Variants in PPIP5K2 observed in about 807,000 individuals in gnomAD.
The protein encoded by PPIP5K2 is inositol hexakisphosphate and diphosphoinositol-pentakisphosphate kinase 2.
Under a neutral mutation model 154.6 loss-of-function variants are expected in PPIP5K2, and 105 were observed. The ratio of observed to expected loss-of-function variants is 0.68; its 90% CI spans 0.58 to 0.80. The LOEUF is 0.80. PPIP5K2 is among the 30% of genes least tolerant of loss of function. PPIP5K2 has a pLI of 0.00. For synonymous variants in PPIP5K2, 480 were observed against 490.3 expected (o/e 0.98, Z 0.28); for missense variants, 992 against 1,504.6 (o/e 0.66, Z 5.64).
intron 1 of PPIP5K2, among the ~76,000 whole-genome samples, chr5:103,127,232 GTA>G (rs1316772614): frequency 1.3e-5 from 2 of 152,322 alleles, no homozygotes; most frequent in South Asian, 4.1e-4. Context: ...ATTCATGTAT[GTA>G]TACATATAAG....
At chr5:103,189,121 G>A in intron 28 of PPIP5K2, 1 of 1,399,558 alleles carries the variant, frequency 7.1e-7, no homozygotes, top group Non-Finnish European at 9.7e-7. Context: ...GGTGAAACAA[G>A]TATCTTCTGA....
rs566328311 is a variant in PPIP5K2, at chr5:103,161,645, T to C, written c.1920+2317T>C. Among the ~76,000 whole-genome samples, 6 of 152,238 alleles carry C rather than the reference T, an allele frequency of 3.9e-5. No individual in the cohort carries two copies. The South Asian group carries it at 8.3e-4, about 21-fold the overall frequency. On this transcript the variant is annotated intron_variant, in intron 17 of 30. Transcript: ENST00000358359. ...TGTTGTTTCCTGACTTTTTAATGAT[T>C]GCCATTCTAACTGGTGTGAGATGGT...
chr5:103,207,187 A>G lies in PPIP5K2; in HGVS notation c.*5553A>G, dbSNP rs1803565199. 1 of 152,260 alleles carries G rather than the reference A, an allele frequency of 6.6e-6. No homozygotes were observed. 9.4% of individuals were successfully genotyped at this position (152,260 alleles called of 1,614,324 possible). Reference sequence around the variant, plus strand: ...CTTTCCCCTACAAAGCCTGTCAGGCAAAGCCTTTGTAATTGCTTATGGTCA... The same window carrying G: ...CTTTCCCCTACAAAGCCTGTCAGGCGAAGCCTTTGTAATTGCTTATGGTCA... On this transcript the variant is annotated 3_prime_UTR_variant, in exon 31 of 31. Coordinates refer to ENST00000358359, the MANE Select transcript of PPIP5K2 (RefSeq NM_001276277.3).
At chr5:103,163,086 GT>G (rs35922283) in intron 17 of PPIP5K2, among the ~76,000 whole-genome samples, 4,994 of 59,926 alleles carry the variant, frequency 0.083, 60 homozygotes, top group African/African-American at 0.18. Flanking sequence ...TTCTTCAAGT[GT>G]TTTTTTTTTT....
intron 1 of PPIP5K2, among the ~76,000 whole-genome samples, chr5:103,128,601 C>T (rs1424273296): frequency 1.8e-4 from 27 of 151,936 alleles, no homozygotes; most frequent in African/African-American, 4.6e-4. Context: ...TACTCATGGA[C>T]GCCTGGTTAT....
chr5:103,151,518 C>A, intron 9 of PPIP5K2, 144 bp downstream of exon 9: 1 of 639,340 alleles, frequency 1.6e-6, no homozygotes, highest in Non-Finnish European at 2.6e-6. Context: ...GAGACTATGC[C>A]AGATCCTGAA....
rs1554198491 is a variant in PPIP5K2 at position 103,120,369 on chromosome 5, T to C, written c.-404T>C. On this transcript the variant is annotated 5_prime_UTR_variant, in exon 1 of 31. Coordinates refer to ENST00000358359, the MANE Select transcript of PPIP5K2 (RefSeq NM_001276277.3). The stretch of plus-strand genomic sequence containing the variant: ...GAAGGAAGTAGCCTACGTCCACGCC[T>C]ACAACTGAAGTCTCTTGACAAACAC... 1 of 456,288 alleles carries C rather than the reference T, an allele frequency of 2.2e-6. No individual in the cohort carries two copies. The allele number at this position is 456,288 out of a possible 1,614,324, so 28.3% of individuals were successfully genotyped here.
rs537744812 is a variant in PPIP5K2 at position 103,184,738 on chromosome 5, A to G, written c.3163A>G (p.Thr1055Ala). Reference protein sequence around the residue: ...RTLVEQKQNPTVGSHCAGLFS... With the variant: ...RTLVEQKQNPAVGSHCAGLFS... ...TCTTGTGGAACAGAAGCAGAATCCTACTGTAGGTATGTGGTGTAAAGGAAA... is the reference window on the plus strand; with the variant it reads ...TCTTGTGGAACAGAAGCAGAATCCTGCTGTAGGTATGTGGTGTAAAGGAAA... The change falls in exon 26 of 31, where the codon ACT (threonine) becomes GCT (alanine). Residue 1055 changes from threonine to alanine, a missense_variant. Physicochemically the swap from Thr to Ala is moderately conservative, Grantham distance 58. Transcript: ENST00000358359. 3.1e-6 allele frequency: 5 copies of G among 1,610,610 alleles called. No individual in the cohort carries two copies. In the African/African-American group the frequency reaches 4.0e-5, roughly 13 times the overall value.
At chr5:103,152,037 T>C (rs1404363546) in intron 9 of PPIP5K2, among the ~76,000 whole-genome samples, 4 of 152,022 alleles carry the variant, frequency 2.6e-5, no homozygotes, top group East Asian at 1.9e-4. Flanking sequence ...AAGTATCCCT[T>C]ATCCAAAATG....
intron 5 of PPIP5K2, among the ~76,000 whole-genome samples, chr5:103,142,358 C>A (rs1240441128): frequency 1.3e-5 from 2 of 152,310 alleles, no homozygotes; most frequent in African/African-American, 4.8e-5. Flanking sequence ...CCACGCCCAC[C>A]CAGAACTCCA....
At chr5:103,148,477 G>A (rs1794093482) in intron 7 of PPIP5K2, among the ~76,000 whole-genome samples, 1 of 152,026 alleles carries the variant, frequency 6.6e-6, no homozygotes, top group East Asian at 1.9e-4. Context: ...TGACAAATAG[G>A]TCTTAATCGC....
chr5:103,154,644 T>A, intron 11 of PPIP5K2, 26 bp from the exon 12 acceptor site: 2 of 1,336,748 alleles, frequency 1.5e-6, no homozygotes, highest in Non-Finnish European at 2.1e-6. Context: ...TGCAAGTGAC[T>A]AACAGTGTTC....
In PPIP5K2 at chr5:103,203,459, C is replaced by G. The variant is rs994502936; in HGVS notation, c.*1825C>G. 4 of 152,138 alleles carry G rather than the reference C, an allele frequency of 2.6e-5. No individual in the cohort carries two copies. The highest frequency in any genetic ancestry group is 2.6e-4 in the Admixed American group (4 of 15,260). The allele number at this position is 152,138 out of a possible 1,614,324, so 9.4% of individuals were successfully genotyped here. A position where few individuals can be genotyped will look rare whatever the true frequency, so the allele number is the denominator to read the frequency against. ...CAGTAGTATTGCTCTGTAGACTAGA[C>G]ACTCTATTTGTAAAAATCTTAGAAT... is the stretch of plus-strand genomic sequence containing the variant. On this transcript the variant is annotated 3_prime_UTR_variant, in exon 31 of 31. Transcript: ENST00000358359.
At chr5:103,166,222 A>C (rs1423850623) in intron 17 of PPIP5K2, among the ~76,000 whole-genome samples, 1 of 152,042 alleles carries the variant, frequency 6.6e-6, no homozygotes, top group African/African-American at 2.4e-5. Context: ...TGGAGTGCTA[A>C]AAAGCAATAA....
intron 2 of PPIP5K2, 132 bp downstream of exon 2, chr5:103,129,835 T>G (rs1790324256): frequency 8.2e-7 from 1 of 1,212,708 alleles, no homozygotes; most frequent in South Asian, 2.0e-5. Flanking sequence ...ACTGATGTTG[T>G]TGAATCTATG....
At chr5:103,170,444 T>C (rs1359244188) in intron 19 of PPIP5K2, among the ~76,000 whole-genome samples, 1 of 151,610 alleles carries the variant, frequency 6.6e-6, no homozygotes, top group African/African-American at 2.4e-5. Flanking sequence ...TCGGATAAGT[T>C]ATTTTTTAAA....
chr5:103,139,984 AAG>A (rs1554205877), intron 5 of PPIP5K2, among the ~76,000 whole-genome samples: 2 of 152,114 alleles, frequency 1.3e-5, no homozygotes, highest in Non-Finnish European at 2.9e-5. Context: ...CCAGAGGAGA[AAG>A]AGAGGAAAAG....
At position 103,154,844 on chromosome 5, in the gene PPIP5K2, A is replaced by G; in HGVS notation, c.1304A>G (p.Asp435Gly). The G allele has an allele frequency of 6.3e-7, 1 of 1,590,568 alleles. No homozygotes were observed. The highest frequency in any genetic ancestry group is 8.5e-7 in the Non-Finnish European group (1 of 1,171,808). ...KKPKQLQEVL[D>G]IARQLLMELG... The stretch of plus-strand genomic sequence containing the variant: ...TAATTTATTTTATAGGAAGTGCTAG[A>G]TATTGCACGACAGCTTCTTATGGAG... The change falls in exon 13 of 31, where the codon GAT (aspartate) becomes GGT (glycine). Residue 435 changes from aspartate to glycine, a missense_variant. Asp to Gly is a moderately conservative substitution (Grantham distance 94). Transcript: ENST00000358359.
intron 29 of PPIP5K2, among the ~76,000 whole-genome samples, chr5:103,193,080 C>T (rs1159721197): frequency 6.6e-6 from 1 of 152,012 alleles, no homozygotes; most frequent in African/African-American, 2.4e-5. Context: ...TAAGATTTCA[C>T]TTAAGAACAG....
Sources: gnomAD v4.1 joint callset for allele counts (sites outside exome capture counted in the v4.1 genomes callset) on GRCh38, gnomAD v4.1.1 for gene constraint, MANE v1.5 for transcripts, NCBI Gene and HGNC (gene_info 2026-07-23, HGNC 2026-07-21) for gene names.